ZNF567: variants seen among roughly 807,000 people sequenced by gnomAD.
The protein encoded by ZNF567 is zinc finger protein 567.
Under a neutral mutation model 53.9 loss-of-function variants are expected in ZNF567, and 36 were observed. That is an observed-to-expected ratio of 0.67 (90% CI 0.51 to 0.88). ZNF567 has a LOEUF of 0.88. Ranked by LOEUF, ZNF567 falls within the 40% of genes least tolerant of loss-of-function variation. ZNF567 has a pLI of 0.00. For missense variants in ZNF567, 619 were observed against 764.7 expected (o/e 0.81, Z 2.25); for synonymous variants, 224 against 260.4 (o/e 0.86, Z 1.35).
rs545225590 is a variant in ZNF567, at chr19:36,701,146, G to T, written c.9+6270G>T. Among the ~76,000 whole-genome samples the T allele has an allele frequency of 2.0e-5, 3 of 152,272 alleles. No homozygotes were observed. In the East Asian group the frequency reaches 5.8e-4, roughly 29 times the overall value. ...TGCTTTTGTTCTCGTTGGTTTCAAA[G>T]AACATCTTGATTTCTGCCTTCATTT... On this transcript the variant is annotated intron_variant, in intron 3 of 5. Transcript: ENST00000682579.
At chr19:36,673,121 C>T in the ZNF567 span, among the ~76,000 whole-genome samples, 200 of 152,128 alleles carry the variant, frequency 1.3e-3, 1 homozygote, top group African/African-American at 4.7e-3. Flanking sequence ...TATGGGATAT[C>T]AGGGAGAAGC....
chr19:36,702,886 C>G (rs891259050), intron 3 of ZNF567, among the ~76,000 whole-genome samples: 3 of 152,138 alleles, frequency 2.0e-5, no homozygotes, highest in African/African-American at 7.2e-5. Flanking sequence ...TCCTGTAGCT[C>G]AGAGTAGTTT....
the ZNF567 span, among the ~76,000 whole-genome samples, chr19:36,673,172 G>A: frequency 5.9e-4 from 90 of 152,194 alleles, 2 homozygotes; most frequent in Admixed American, 5.8e-3. Flanking sequence ...CTGGGGAAGT[G>A]TTAGTTATTT....
intron 5 of ZNF567, among the ~76,000 whole-genome samples, chr19:36,716,642 A>G (rs1396315243): frequency 6.6e-6 from 1 of 152,162 alleles, no homozygotes; most frequent in Non-Finnish European, 1.5e-5. Flanking sequence ...CATGTTAGGT[A>G]TTCAGTAGTT....
upstream of ZNF567, among the ~76,000 whole-genome samples, chr19:36,684,538 T>A (rs1015474643): frequency 6.6e-6 from 1 of 152,190 alleles, no homozygotes; most frequent in Non-Finnish European, 1.5e-5. Context: ...TTAAAGGTCC[T>A]AAATCTAGAA....
intron 3 of ZNF567, among the ~76,000 whole-genome samples, chr19:36,695,993 G>T (rs902507961): frequency 4.6e-5 from 7 of 152,170 alleles, no homozygotes; most frequent in African/African-American, 1.7e-4. Flanking sequence ...TGAGAATCTT[G>T]TGTTTCTTCT....
chr19:36,679,341 C>A, the ZNF567 span, among the ~76,000 whole-genome samples: 1 of 152,120 alleles, frequency 6.6e-6, no homozygotes, highest in Admixed American at 6.5e-5. Context: ...CCTGCTATTA[C>A]AAACAAAGAT....
chr19:36,698,659 A>G (rs1213538091), intron 3 of ZNF567, among the ~76,000 whole-genome samples: 2 of 150,838 alleles, frequency 1.3e-5, no homozygotes, highest in East Asian at 3.9e-4. Flanking sequence ...TTTGATTTGC[A>G]TTTCTCTGAT....
chr19:36,710,919 T>C (rs2039749418), intron 3 of ZNF567, among the ~76,000 whole-genome samples: 2 of 152,352 alleles, frequency 1.3e-5, no homozygotes, highest in East Asian at 1.9e-4. Flanking sequence ...GTTGTATTTC[T>C]GCCTGCTTTT....
At chr19:36,678,354 A>G in the ZNF567 span, among the ~76,000 whole-genome samples, 58 of 152,310 alleles carry the variant, frequency 3.8e-4, no homozygotes, top group African/African-American at 1.4e-3. Context: ...GATTAGCCTT[A>G]TAGAGTTTCT....
At chr19:36,692,377 G>A (rs2038662512) in intron 2 of ZNF567, among the ~76,000 whole-genome samples, 1 of 152,002 alleles carries the variant, frequency 6.6e-6, no homozygotes, top group African/African-American at 2.4e-5. Context: ...CTGATTTTTT[G>A]TTTTTATTTT....
chr19:36,726,982 T>TTTCTTTCTTTCTTTCTTTCTTTCTTTC (rs2040337162), downstream of ZNF567: 37 of 55,404 alleles, frequency 6.7e-4, no homozygotes, highest in African/African-American at 1.4e-3. Context: ...CTTTCTTTCT[T>TTTCTTTCTTTCTTTCTTTCTTTCTTTC]TTTCTTTCTT....
chr19:36,685,108 C>T (rs889985876), upstream of ZNF567, among the ~76,000 whole-genome samples: 5 of 152,026 alleles, frequency 3.3e-5, no homozygotes, highest in African/African-American at 7.2e-5. Context: ...GCCAACTTGG[C>T]GAAACCCCAT....
At position 36,701,432 on chromosome 19, in the gene ZNF567, A is replaced by G. The variant is rs1193483739; in HGVS notation, c.9+6556A>G. On this transcript the variant is annotated intron_variant, in intron 3 of 5. Coordinates refer to ENST00000682579, the MANE Select transcript of ZNF567 (RefSeq NM_001322917.1). ...GGGGTGGAGAGTTCTGTAGATGTCT[A>G]TTAGGTCCGCTTGGTGCAGAGCTGA... is the stretch of plus-strand genomic sequence containing the variant. Among the ~76,000 whole-genome samples, 8 of 151,008 alleles carry G rather than the reference A, an allele frequency of 5.3e-5. No homozygotes were observed. In the East Asian group the frequency reaches 9.9e-4, roughly 19 times the overall value.
At chr19:36,677,201 T>G in the ZNF567 span, among the ~76,000 whole-genome samples, 136 of 143,278 alleles carry the variant, frequency 9.5e-4, no homozygotes, top group Non-Finnish European at 1.5e-3. Context: ...GGCTCACGCC[T>G]GTAATCCCAG....
the ZNF567 span, among the ~76,000 whole-genome samples, chr19:36,680,651 T>C: frequency 6.6e-6 from 1 of 152,216 alleles, no homozygotes; most frequent in Non-Finnish European, 1.5e-5. Flanking sequence ...CTCTCTCACA[T>C]TCTGGAGGCC....
Position 36,712,172 on chromosome 19 carries a change from A to G in ZNF567, c.10-214A>G, listed in dbSNP as rs916930567. 3.1e-4 allele frequency: 133 copies of G among 428,538 alleles called. No homozygotes were observed. In the Admixed American group the frequency reaches 4.4e-3, roughly 14 times the overall value. 26.5% of individuals were successfully genotyped at this position (428,538 alleles called of 1,614,324 possible). A position where few individuals can be genotyped will look rare whatever the true frequency, so the allele number is the denominator to read the frequency against. ...AGCTATTCTCCTGCCTCAGCCTCCC[A>G]TGTAACTGGGATTACAGGCGCACAC... On this transcript the variant is annotated intron_variant, in intron 3 of 5. Transcript: ENST00000682579.
intron 3 of ZNF567, among the ~76,000 whole-genome samples, chr19:36,697,635 C>CA (rs2038952353): frequency 6.8e-6 from 1 of 146,642 alleles, no homozygotes; most frequent in African/African-American, 2.5e-5. Flanking sequence ...TTTCTTGAGA[C>CA]AGAGTCTTGT....
At chr19:36,712,727 A>C in intron 4 of ZNF567, 54 bp from the exon 5 acceptor site, 1 of 1,553,548 alleles carries the variant, frequency 6.4e-7, no homozygotes, top group Non-Finnish European at 8.8e-7. Context: ...CCCTTTCCTC[A>C]TTTTTCAGTG....
Sources: gnomAD v4.1 joint callset for allele counts (sites outside exome capture counted in the v4.1 genomes callset) on GRCh38, gnomAD v4.1.1 for gene constraint, MANE v1.5 for transcripts, NCBI Gene and HGNC (gene_info 2026-07-23, HGNC 2026-07-21) for gene names.